DPYSL2: variants seen among roughly 807,000 people sequenced by gnomAD.
DPYSL2 encodes dihydropyrimidinase-related protein 2.
A neutral mutation model predicts 69.9 loss-of-function variants in DPYSL2; 13 were observed. The observed-to-expected ratio is 0.19, with a 90% CI of 0.12 to 0.30. The LOEUF (loss-of-function observed/expected upper bound fraction) is 0.30. Among genes scored for constraint, DPYSL2 ranks in the 10% least tolerant of loss-of-function variants. The probability of loss-of-function intolerance (pLI) is 1.00; values close to 1 mark genes in which losing one functional copy is unlikely to be tolerated. For synonymous variants in DPYSL2, 326 were observed against 359.1 expected (o/e 0.91, Z 1.04); for missense variants, 587 against 918.9 (o/e 0.64, Z 4.67).
Position 26,565,709 on chromosome 8 carries a change from A to G in DPYSL2, c.355-16260A>G, listed in dbSNP as rs1801137342. Among the ~76,000 whole-genome samples the G allele has an allele frequency of 6.6e-6, 1 of 152,234 alleles. No individual in the cohort carries two copies. Among genetic ancestry groups the G allele is most frequent in the Non-Finnish European group, 1.5e-5 (1 of 68,036 alleles). ...AATGACTCGAGCACAAAAGGAGTTT[A>G]TTTGTATATCACATAATAGTTCAAG... On this transcript the variant is annotated intron_variant, in intron 1 of 13. Transcript: ENST00000521913. This position sits in a 1 kb window ranked among gnomAD's most constrained non-coding sequence, Gnocchi z 4.1.
At chr8:26,632,519 C>A (rs1294291210) in intron 7 of DPYSL2, among the ~76,000 whole-genome samples, 1 of 152,196 alleles carries the variant, frequency 6.6e-6, no homozygotes, top group Non-Finnish European at 1.5e-5. Context: ...CTGGACAGGT[C>A]ATTTCCCTTT....
chr8:26,591,549 A>G lies in DPYSL2; in HGVS notation c.628+7566A>G, dbSNP rs552111880. Among the ~76,000 whole-genome samples, 1 of 152,284 alleles carries G rather than the reference A, an allele frequency of 6.6e-6. No homozygotes were observed. Among genetic ancestry groups the G allele is most frequent in the Admixed American group, 6.5e-5 (1 of 15,294 alleles). Reference sequence around the variant, plus strand: ...TGGGGGCAGCCAGAGAAGCTGCCCAATGAGTCTGATGGGAGCCAGACCCGT... The same window carrying G: ...TGGGGGCAGCCAGAGAAGCTGCCCAGTGAGTCTGATGGGAGCCAGACCCGT... On this transcript the variant is annotated intron_variant, in intron 3 of 13. Transcript: ENST00000521913. The surrounding 1 kb of genome is among the most constrained non-coding windows in gnomAD (Gnocchi z 5.8).
intron 7 of DPYSL2, among the ~76,000 whole-genome samples, chr8:26,631,506 G>A (rs909352452): frequency 2.0e-5 from 3 of 152,206 alleles, no homozygotes; most frequent in African/African-American, 7.2e-5. Context: ...TTTGAGATGA[G>A]ATTTGGGTGG....
chr8:26,636,292 G>C (rs762074159), intron 8 of DPYSL2, among the ~76,000 whole-genome samples: 18 of 152,206 alleles, frequency 1.2e-4, no homozygotes, highest in Admixed American at 2.0e-4. Context: ...TTGCAAGAAG[G>C]CAGCGCATTT....
At chr8:26,556,151 C>CTA (rs1563384916) in intron 1 of DPYSL2, among the ~76,000 whole-genome samples, 2 of 3,116 alleles carry the variant, frequency 6.4e-4, no homozygotes, top group Non-Finnish European at 9.0e-4. Flanking sequence ...ATAGTATATA[C>CTA]TATATATAGT....
At chr8:26,536,130 G>A (rs111361261) in intron 1 of DPYSL2, among the ~76,000 whole-genome samples, 1 of 147,516 alleles carries the variant, frequency 6.8e-6, no homozygotes, top group African/African-American at 2.5e-5. Context: ...TCTAGAGACA[G>A]AGTCTTGCTA....
At chr8:26,553,175 G>A (rs552717727) in intron 1 of DPYSL2, among the ~76,000 whole-genome samples, 36 of 152,210 alleles carry the variant, frequency 2.4e-4, no homozygotes, top group African/African-American at 7.5e-4. Flanking sequence ...TTCCAAAACC[G>A]AAAGCACCAG....
In DPYSL2 at chr8:26,643,550, G is replaced by A; in HGVS notation, c.1238G>A (p.Ser413Asn). ...AAAFVTSPPL[S>N]PDPTTPDFLN... ...GCCTTTGTCACCTCCCCACCCTTGA[G>A]CCCTGATCCAACCACTCCAGACTTT... The change falls in exon 9 of 14, where the codon AGC becomes AAC. Residue 413 changes from serine to asparagine, a missense_variant. By Grantham distance (46) the Ser-to-Asn change is conservative (BLOSUM62 1). Transcript: ENST00000521913. This position sits in a 1 kb window ranked among gnomAD's most constrained non-coding sequence, Gnocchi z 6.5. 6.2e-7 allele frequency: 1 copy of A among 1,614,154 alleles called. No individual in the cohort carries two copies. Among genetic ancestry groups the A allele is most frequent in the Non-Finnish European group, 8.5e-7 (1 of 1,180,022 alleles).
rs1476760659 is a variant in DPYSL2 at position 26,655,803 on chromosome 8, T to C, written c.*97T>C. 4 of 1,214,066 alleles carry C rather than the reference T, an allele frequency of 3.3e-6. No homozygotes were observed. Among genetic ancestry groups the C allele is most frequent in the Non-Finnish European group, 4.4e-6 (4 of 902,766 alleles). The allele number at this position is 1,214,066 out of a possible 1,614,324, so 75.2% of individuals were successfully genotyped here. A position where few individuals can be genotyped will look rare whatever the true frequency, so the allele number is the denominator to read the frequency against. ...CCTTCCTTTTTTTTTTTTTGTTTTT[T>C]TTTTTAAGAGCCTGTGATAGTTACT... is the stretch of plus-strand genomic sequence containing the variant. On this transcript the variant is annotated 3_prime_UTR_variant, in exon 14 of 14. Transcript: ENST00000521913.
chr8:26,515,557 G>C (rs1270237731), intron 1 of DPYSL2, among the ~76,000 whole-genome samples: 3 of 152,208 alleles, frequency 2.0e-5, no homozygotes, highest in East Asian at 3.8e-4. Flanking sequence ...ATTTGGTCAC[G>C]CTTGATTTTA....
intron 1 of DPYSL2, among the ~76,000 whole-genome samples, chr8:26,544,206 G>C (rs1800728728): frequency 1.3e-5 from 2 of 152,130 alleles, no homozygotes; most frequent in African/African-American, 4.8e-5. Context: ...CTTTATGTAT[G>C]GTATAAACAT....
chr8:26,633,516 G>A lies in DPYSL2; in HGVS notation c.1006-1264G>A, dbSNP rs139056933. 3.4e-3 allele frequency among the ~76,000 whole-genome samples: 522 copies of A among 152,268 alleles called. 3 individuals carry two copies. Among genetic ancestry groups the A allele is most frequent in the Admixed American group, 6.5e-3 (100 of 15,288 alleles). On this transcript the variant is annotated intron_variant, in intron 7 of 13. Transcript: ENST00000521913. ...GAAGTCTCTCGCTGTCACCCAGTCTGGAGTGCAGTGGCGCCATCTCAGCTC... is the reference window on the plus strand; with the variant it reads ...GAAGTCTCTCGCTGTCACCCAGTCTAGAGTGCAGTGGCGCCATCTCAGCTC...
At chr8:26,612,411 A>G (rs1304389134) in intron 3 of DPYSL2, among the ~76,000 whole-genome samples, 1 of 152,248 alleles carries the variant, frequency 6.6e-6, no homozygotes, top group Non-Finnish European at 1.5e-5. Flanking sequence ...TGTATAATAG[A>G]GGAAATTTGG....
chr8:26,528,851 A>G (rs1367671539), intron 1 of DPYSL2, among the ~76,000 whole-genome samples: 1 of 151,996 alleles, frequency 6.6e-6, no homozygotes, highest in Non-Finnish European at 1.5e-5. Context: ...AAGGGTAAAC[A>G]GGTTTAGGGA....
At chr8:26,633,214 G>A (rs891967015) in intron 7 of DPYSL2, among the ~76,000 whole-genome samples, 1 of 152,208 alleles carries the variant, frequency 6.6e-6, no homozygotes, top group Non-Finnish European at 1.5e-5. Flanking sequence ...GCTATTGGGG[G>A]CAGGGCATGG....
intron 1 of DPYSL2, chr8:26,547,993 T>C (rs1800807803): frequency 3.8e-6 from 1 of 265,372 alleles, no homozygotes. Flanking sequence ...GAAGGTCCTT[T>C]TCCTGTTCCC....
intron 11 of DPYSL2, among the ~76,000 whole-genome samples, chr8:26,651,064 A>T (rs143727899): frequency 6.6e-6 from 1 of 152,304 alleles, no homozygotes; most frequent in East Asian, 1.9e-4. Flanking sequence ...TTGATGAAAG[A>T]CAATTTTAAG....
At chr8:26,539,039 T>C (rs971137275) in intron 1 of DPYSL2, among the ~76,000 whole-genome samples, 1 of 152,212 alleles carries the variant, frequency 6.6e-6, no homozygotes, top group Admixed American at 6.5e-5. Context: ...CCCATCTTTA[T>C]GTCCACTTGT....
At position 26,565,869 on chromosome 8, in the gene DPYSL2, C is replaced by T. The variant is rs1007742028; in HGVS notation, c.355-16100C>T. On this transcript the variant is annotated intron_variant, in intron 1 of 13. Coordinates refer to ENST00000521913, the MANE Select transcript of DPYSL2 (RefSeq NM_001197293.3). The surrounding 1 kb of genome is among the most constrained non-coding windows in gnomAD (Gnocchi z 4.1). ...AAGGTTGTCTGGGCAATCATCATCC[C>T]GTCAGCTTGGAGAAAAAGCCTGGAG... is the stretch of plus-strand genomic sequence containing the variant. Among the ~76,000 whole-genome samples, 5 of 152,158 alleles carry T rather than the reference C, an allele frequency of 3.3e-5. No homozygotes were observed. Among genetic ancestry groups the T allele is most frequent in the African/African-American group, 4.8e-5 (2 of 41,434 alleles).
Sources: gnomAD v4.1 joint callset for allele counts (sites outside exome capture counted in the v4.1 genomes callset) on GRCh38, gnomAD v4.1.1 for gene constraint, Gnocchi (gnomAD v3.1) non-coding constraint, MANE v1.5 for transcripts, NCBI Gene and HGNC (gene_info 2026-07-23, HGNC 2026-07-21) for gene names.